The following FARS2 variants were observed in gnomAD, a reference collection of about 807,000 sequenced individuals.
FARS2 encodes the protein phenylalanyl-tRNA synthetase 2, mitochondrial, also known as phenylalanine--tRNA ligase, mitochondrial.
In FARS2, 40 loss-of-function variants were observed where a neutral mutation model predicts 46.4. The ratio of observed to expected loss-of-function variants is 0.86; its 90% CI spans 0.67 to 1.12. The LOEUF (loss-of-function observed/expected upper bound fraction) is 1.12. Ranked by LOEUF, FARS2 falls within the 50% of genes most tolerant of loss-of-function variation. The pLI, the probability that FARS2 is intolerant of heterozygous loss-of-function variation, is 0.00. For synonymous variants in FARS2, 234 were observed against 214.9 expected, an observed-to-expected ratio of 1.09 and a Z score of -0.78; for missense variants, 513 against 567.9, an observed-to-expected ratio of 0.90 and a Z score of 0.98.
intron 3 of FARS2, among the ~76,000 whole-genome samples, chr6:5,412,197 C>T (rs1562021499): frequency 1.3e-5 from 2 of 152,206 alleles, no homozygotes; most frequent in Non-Finnish European, 2.9e-5. Flanking sequence ...TCGCCTGCAG[C>T]TGTCAGCTTC....
intron 6 of FARS2, among the ~76,000 whole-genome samples, chr6:5,678,951 G>T (rs1431612411): frequency 1.3e-5 from 2 of 152,168 alleles, no homozygotes; most frequent in Non-Finnish European, 2.9e-5. Context: ...CCCACTGTCT[G>T]TTTTATGACC....
intron 1 of FARS2, among the ~76,000 whole-genome samples, chr6:5,329,103 A>G (rs893240202): frequency 2.6e-5 from 4 of 152,084 alleles, no homozygotes; most frequent in Admixed American, 2.6e-4. Context: ...CGATCTCTAA[A>G]GTCTCTGCTT....
chr6:5,438,834 T>C (rs1311466345), intron 4 of FARS2, among the ~76,000 whole-genome samples: 4 of 152,170 alleles, frequency 2.6e-5, no homozygotes, highest in Admixed American at 2.6e-4. Context: ...TTTTGGAGCA[T>C]TTTGGATTTT....
intron 1 of FARS2, among the ~76,000 whole-genome samples, chr6:5,322,146 A>G (rs1206632456): frequency 6.6e-6 from 1 of 152,232 alleles, no homozygotes; most frequent in Admixed American, 6.5e-5. Context: ...AGCTTTCATC[A>G]AATAGTCACA....
intron 1 of FARS2, among the ~76,000 whole-genome samples, chr6:5,290,854 G>A (rs1581703879): frequency 6.6e-6 from 1 of 152,102 alleles, no homozygotes; most frequent in Admixed American, 6.6e-5. Context: ...CCAGTAACTG[G>A]GATCACAGGC....
intron 4 of FARS2, among the ~76,000 whole-genome samples, chr6:5,462,068 T>C (rs1765273422): frequency 6.6e-6 from 1 of 152,196 alleles, no homozygotes; most frequent in Non-Finnish European, 1.5e-5. Context: ...TCACCAACAC[T>C]TTGTATTATC....
At chr6:5,536,050 CTTT>C (rs374395844) in intron 4 of FARS2, among the ~76,000 whole-genome samples, 2 of 133,706 alleles carry the variant, frequency 1.5e-5, no homozygotes, top group Non-Finnish European at 3.2e-5. Flanking sequence ...TTTAATTTAT[CTTT>C]TTTTTTTTTT....
chr6:5,381,140 A>G (rs1759745504), intron 2 of FARS2, among the ~76,000 whole-genome samples: 1 of 151,712 alleles, frequency 6.6e-6, no homozygotes, highest in South Asian at 2.1e-4. Flanking sequence ...AGCTGGACCT[A>G]TAGGTTCCCG....
chr6:5,665,816 G>A (rs980010333), intron 6 of FARS2, among the ~76,000 whole-genome samples: 4 of 152,134 alleles, frequency 2.6e-5, no homozygotes, highest in African/African-American at 9.7e-5. Context: ...ACTCAAATTG[G>A]TAAGTGAGAA....
At chr6:5,355,224 C>T (rs978851284) in intron 1 of FARS2, among the ~76,000 whole-genome samples, 4 of 152,016 alleles carry the variant, frequency 2.6e-5, no homozygotes, top group South Asian at 2.1e-4. Flanking sequence ...AGTCTGCCCT[C>T]GGTTTCCTCA....
At chr6:5,547,187 G>T (rs1289524068) in intron 5 of FARS2, among the ~76,000 whole-genome samples, 18 of 151,794 alleles carry the variant, frequency 1.2e-4, no homozygotes, top group Non-Finnish European at 2.2e-4. Flanking sequence ...CCTGACCTCA[G>T]GTGATCTGCC....
intron 4 of FARS2, among the ~76,000 whole-genome samples, chr6:5,525,575 A>T (rs1167418643): frequency 6.6e-6 from 1 of 152,240 alleles, no homozygotes; most frequent in Non-Finnish European, 1.5e-5. Context: ...ACTTTGTTAG[A>T]GTTAAGTCTT....
chr6:5,592,372 C>T (rs370794327), intron 5 of FARS2, among the ~76,000 whole-genome samples: 1 of 150,528 alleles, frequency 6.6e-6, no homozygotes, highest in South Asian at 2.1e-4. Flanking sequence ...TGTGACAGAG[C>T]GAGACCTTGT....
intron 2 of FARS2, among the ~76,000 whole-genome samples, chr6:5,376,934 T>C (rs1581924743): frequency 6.6e-6 from 1 of 152,336 alleles, no homozygotes; most frequent in African/African-American, 2.4e-5. Context: ...TTATTTATGA[T>C]GTGGAAGGAG....
chr6:5,385,414 C>CT, intron 2 of FARS2, among the ~76,000 whole-genome samples: 1 of 139,876 alleles, frequency 7.1e-6, no homozygotes, highest in East Asian at 2.1e-4. Flanking sequence ...AGTTTCTTTT[C>CT]TTTTTTTCTT....
chr6:5,464,755 C>T (rs2150308339), intron 4 of FARS2, among the ~76,000 whole-genome samples: 1 of 152,150 alleles, frequency 6.6e-6, no homozygotes, highest in Non-Finnish European at 1.5e-5. Flanking sequence ...TTTTTCAAAC[C>T]ACAAACCAGA....
intron 4 of FARS2, among the ~76,000 whole-genome samples, chr6:5,439,865 C>T (rs188781392): frequency 6.6e-6 from 1 of 152,238 alleles, no homozygotes; most frequent in Admixed American, 6.5e-5. Flanking sequence ...TTTCTTTCAC[C>T]TTCTTAACTT....
At chr6:5,283,656 T>C (rs111497364) in intron 1 of FARS2, among the ~76,000 whole-genome samples, 1 of 152,198 alleles carries the variant, frequency 6.6e-6, no homozygotes, top group African/African-American at 2.4e-5. Context: ...CATTTTCTTA[T>C]ATATGCATGT....
intron 1 of FARS2, among the ~76,000 whole-genome samples, chr6:5,290,497 C>G (rs1422239682): frequency 9.9e-4 from 150 of 152,158 alleles, no homozygotes; most frequent in Non-Finnish European, 1.0e-4. Flanking sequence ...AGTTAGAAAA[C>G]AAGACAGCCT....
Sources: allele counts gnomAD v4.1 joint callset (sites outside exome capture counted in the v4.1 genomes callset), GRCh38; gene constraint gnomAD v4.1.1; transcripts MANE v1.5; gene names NCBI Gene and HGNC (gene_info 2026-07-23, HGNC 2026-07-21).